The following GRM7 variants were observed in gnomAD, a reference collection of about 807,000 sequenced individuals.
GRM7 encodes metabotropic glutamate receptor 7.
A neutral mutation model predicts 84.5 loss-of-function variants in GRM7; 35 were observed. The ratio of observed to expected loss-of-function variants is 0.41; its 90% CI spans 0.32 to 0.55. The LOEUF (loss-of-function observed/expected upper bound fraction) is 0.55. GRM7 is among the 20% of genes least tolerant of loss of function. The pLI is 0.19. For synonymous variants in GRM7, 487 were observed against 455.1 expected, an observed-to-expected ratio of 1.07 and a Z score of -0.89; for missense variants, 1,003 against 1,194.6, an observed-to-expected ratio of 0.84 and a Z score of 2.36.
intron 7 of GRM7, among the ~76,000 whole-genome samples, chr3:7,572,859 T>A (rs1273610338): frequency 0.098 from 4,214 of 42,798 alleles, 980 homozygotes; most frequent in Non-Finnish European, 0.14. Context: ...TATATATATA[T>A]ATATATATAT....
Position 7,287,584 on chromosome 3 carries a change from C to G in GRM7, c.737-11100C>G, listed in dbSNP as rs569207771. On this transcript the variant is annotated intron_variant, in intron 2 of 9. Transcript: ENST00000357716. Reference sequence around the variant, plus strand: ...GATAAAAGTCTTAAATATTTCACTCCTGAGTAAGAAGGGGAATAATTTTCT... The same window carrying G: ...GATAAAAGTCTTAAATATTTCACTCGTGAGTAAGAAGGGGAATAATTTTCT... Among the ~76,000 whole-genome samples, 46 of 152,164 alleles carry G rather than the reference C, an allele frequency of 3.0e-4. 1 individual carries two copies. In the South Asian group the frequency reaches 9.3e-3, roughly 31 times the overall value.
At chr3:7,523,735 C>T (rs529452410) in intron 7 of GRM7, among the ~76,000 whole-genome samples, 2 of 152,174 alleles carry the variant, frequency 1.3e-5, no homozygotes, top group Non-Finnish European at 2.9e-5. Flanking sequence ...CAAATTTTGC[C>T]TTTGTGACTG....
chr3:6,937,730 T>C (rs1697739410), intron 1 of GRM7, among the ~76,000 whole-genome samples: 1 of 152,226 alleles, frequency 6.6e-6, no homozygotes, highest in South Asian at 2.1e-4. Flanking sequence ...CACTGGAAGA[T>C]TTGCAAGAAA....
At chr3:7,535,935 A>T (rs1205223436) in intron 7 of GRM7, among the ~76,000 whole-genome samples, 1 of 152,220 alleles carries the variant, frequency 6.6e-6, no homozygotes, top group African/African-American at 2.4e-5. Flanking sequence ...GCATCTGCGT[A>T]AGGTGGGAAG....
chr3:7,401,459 C>G (rs2125158373), intron 4 of GRM7, among the ~76,000 whole-genome samples: 2 of 152,192 alleles, frequency 1.3e-5, no homozygotes, highest in Middle Eastern at 6.8e-3. Context: ...CCATTGCTCT[C>G]TCTAAAATAC....
chr3:7,412,728 A>AT (rs1331884079), intron 4 of GRM7, among the ~76,000 whole-genome samples: 1 of 152,146 alleles, frequency 6.6e-6, no homozygotes, highest in African/African-American at 2.4e-5. Flanking sequence ...CTGGAGATTA[A>AT]TTTTTGAAAT....
intron 1 of GRM7, among the ~76,000 whole-genome samples, chr3:6,919,718 A>G (rs1007857347): frequency 3.9e-5 from 6 of 152,042 alleles, no homozygotes; most frequent in Non-Finnish European, 8.8e-5. Flanking sequence ...GGAATCATCA[A>G]CTTTAGGGTT....
intron 9 of GRM7, chr3:7,694,391 ATTC>A: frequency 4.2e-6 from 4 of 946,478 alleles, no homozygotes; most frequent in Non-Finnish European, 5.0e-6. Context: ...CCCATCTGAT[ATTC>A]TTCTATTTGG....
chr3:6,863,143 T>G lies in GRM7; in HGVS notation c.519+1236T>G, dbSNP rs1038323350. On this transcript the variant is annotated intron_variant, in intron 1 of 9. Coordinates refer to ENST00000357716, the MANE Select transcript of GRM7 (RefSeq NM_000844.4). This position sits in a 1 kb window ranked among gnomAD's most constrained non-coding sequence, Gnocchi z 4.8. ...CCTTGCTGTTTTTTTTTTCTCTCTG[T>G]TTTTTCTCTCCTTTTCAATCTCTCC... is the stretch of plus-strand genomic sequence containing the variant. 2 of 326,392 alleles carry G rather than the reference T, an allele frequency of 6.1e-6. No homozygotes were observed. The highest frequency in any genetic ancestry group is 1.2e-5 in the Non-Finnish European group (2 of 166,138). The allele number at this position is 326,392 out of a possible 1,614,324, so 20.2% of individuals were successfully genotyped here.
chr3:7,590,709 C>A (rs182245965), intron 8 of GRM7, among the ~76,000 whole-genome samples: 1 of 152,232 alleles, frequency 6.6e-6, no homozygotes, highest in African/African-American at 2.4e-5. Flanking sequence ...GTCACGCAGA[C>A]CTTTCCATGC....
At position 7,229,996 on chromosome 3, in the gene GRM7, C is replaced by T. The variant is rs182319254; in HGVS notation, c.737-68688C>T. ...CTGGGACTACAGGCGCCCACCACCA[C>T]GCCTGGCTAATTTTTTGCGTTTTTA... On this transcript the variant is annotated intron_variant, in intron 2 of 9. Coordinates refer to ENST00000357716, the MANE Select transcript of GRM7 (RefSeq NM_000844.4). 7.6e-4 allele frequency among the ~76,000 whole-genome samples: 114 copies of T among 150,468 alleles called. 2 individuals are homozygous for T. In the East Asian group the frequency reaches 0.018, roughly 24 times the overall value.
intron 1 of GRM7, among the ~76,000 whole-genome samples, chr3:7,029,220 C>G (rs1011289458): frequency 4.0e-5 from 6 of 149,106 alleles, no homozygotes; most frequent in Non-Finnish European, 7.4e-5. Context: ...AGGAGAATCA[C>G]TTGAACCTGG....
intron 1 of GRM7, among the ~76,000 whole-genome samples, chr3:6,944,206 T>C (rs928044744): frequency 2.0e-5 from 3 of 152,110 alleles, no homozygotes; most frequent in African/African-American, 2.4e-5. Flanking sequence ...GAATCTCTAG[T>C]ACAAGATTGA....
At chr3:6,885,263 G>A (rs574995575) in intron 1 of GRM7, among the ~76,000 whole-genome samples, 1 of 152,288 alleles carries the variant, frequency 6.6e-6, no homozygotes, top group Non-Finnish European at 1.5e-5. Flanking sequence ...TTGCAGAGCA[G>A]GGCTACCCCC....
intron 1 of GRM7, among the ~76,000 whole-genome samples, chr3:7,042,096 A>G (rs1018971246): frequency 6.6e-6 from 1 of 152,088 alleles, no homozygotes; most frequent in African/African-American, 2.4e-5. Context: ...ATCCTTTGTA[A>G]TATCTTTTAT....
At chr3:7,643,966 G>GAGA (rs1463676375) in intron 8 of GRM7, among the ~76,000 whole-genome samples, 2 of 151,850 alleles carry the variant, frequency 1.3e-5, no homozygotes, top group Admixed American at 6.6e-5. Context: ...TGGTCTTGGA[G>GAGA]AGAAGATCAT....
chr3:7,162,756 T>A (rs1030527271), intron 2 of GRM7, among the ~76,000 whole-genome samples: 1 of 53,652 alleles, frequency 1.9e-5, no homozygotes, highest in African/African-American at 8.8e-5. Context: ...TTTTTTTTTT[T>A]TTTTTTTTTT....
intron 7 of GRM7, among the ~76,000 whole-genome samples, 200 bp downstream of exon 7, chr3:7,461,922 G>T (rs1489366698): frequency 6.6e-6 from 1 of 152,122 alleles, no homozygotes; most frequent in African/African-American, 2.4e-5. Flanking sequence ...ATTGAGTTTT[G>T]TGCATTATAT....
intron 1 of GRM7, among the ~76,000 whole-genome samples, chr3:6,906,872 G>GTA (rs1190249101): frequency 7.2e-5 from 11 of 151,914 alleles, no homozygotes; most frequent in Non-Finnish European, 1.6e-4. Context: ...CCTTACTTAG[G>GTA]TATAATTGAT....
Sources: gnomAD v4.1 joint callset for allele counts (sites outside exome capture counted in the v4.1 genomes callset) on GRCh38, gnomAD v4.1.1 for gene constraint, Gnocchi (gnomAD v3.1) non-coding constraint, MANE v1.5 for transcripts, NCBI Gene and HGNC (gene_info 2026-07-23, HGNC 2026-07-21) for gene names.